Variants in TMEFF2 observed in about 807,000 individuals in gnomAD.
The protein encoded by TMEFF2 is transmembrane protein with EGF like and two follistatin like domains 2, also known as tomoregulin-2.
Under a neutral mutation model 53.8 loss-of-function variants are expected in TMEFF2, and 28 were observed. That is an observed-to-expected ratio of 0.52 (90% CI 0.39 to 0.71). TMEFF2 has a LOEUF of 0.71. TMEFF2 is among the 30% of genes least tolerant of loss of function. The pLI is 0.00. For synonymous variants in TMEFF2, 162 were observed against 166.3 expected (o/e 0.97, Z 0.20); for missense variants, 353 against 455.2 (o/e 0.78, Z 2.04).
intron 7 of TMEFF2, among the ~76,000 whole-genome samples, chr2:191,966,798 C>T (rs1423611501): frequency 1.3e-5 from 2 of 152,114 alleles, no homozygotes; most frequent in Admixed American, 6.5e-5. Flanking sequence ...CCACAATTAG[C>T]AGCACAGATA....
chr2:192,184,610 C>T (rs1322124433), intron 2 of TMEFF2, 127 bp from the exon 3 acceptor site: 1 of 1,232,186 alleles, frequency 8.1e-7, no homozygotes, highest in African/African-American at 1.5e-5. Flanking sequence ...TAATTGTGTC[C>T]AATAAGTCTT....
chr2:192,095,768 C>T (rs909213866), intron 4 of TMEFF2, among the ~76,000 whole-genome samples: 6 of 151,976 alleles, frequency 3.9e-5, no homozygotes, highest in South Asian at 4.2e-4. Context: ...ACTCTGGGAG[C>T]GCAGCTTTTA....
At chr2:192,004,748 C>T (rs1279185899) in intron 5 of TMEFF2, among the ~76,000 whole-genome samples, 1 of 152,190 alleles carries the variant, frequency 6.6e-6, no homozygotes, top group Non-Finnish European at 1.5e-5. Context: ...GTTTTTCTTT[C>T]TGCAGAAATG....
intron 7 of TMEFF2, among the ~76,000 whole-genome samples, chr2:191,994,878 A>G (rs545290239): frequency 1.7e-4 from 26 of 152,116 alleles, no homozygotes; most frequent in South Asian, 1.7e-3. Context: ...AAGAGATCCA[A>G]AGCCCTTTAT....
At chr2:192,045,936 C>T (rs1211075426) in intron 5 of TMEFF2, among the ~76,000 whole-genome samples, 1 of 152,226 alleles carries the variant, frequency 6.6e-6, no homozygotes, top group Non-Finnish European at 1.5e-5. Flanking sequence ...GCTTTATCCA[C>T]CATCTTGGTA....
intron 7 of TMEFF2, 35 bp from the exon 8 acceptor site, chr2:191,956,413 A>G (rs758998143): frequency 6.2e-7 from 1 of 1,603,180 alleles, no homozygotes; most frequent in South Asian, 1.1e-5. Flanking sequence ...ACCCCCTGTA[A>G]ATACTTAGCC....
intron 5 of TMEFF2, among the ~76,000 whole-genome samples, chr2:192,057,019 T>C (rs542544634): frequency 5.3e-5 from 8 of 152,256 alleles, no homozygotes; most frequent in African/African-American, 1.9e-4. Flanking sequence ...ACAGACTAAG[T>C]CTGATCATCT....
At chr2:191,955,145 G>A (rs1274681515) in intron 8 of TMEFF2, among the ~76,000 whole-genome samples, 1 of 98,082 alleles carries the variant, frequency 1.0e-5, no homozygotes, top group African/African-American at 3.6e-5. Context: ...GGGCGGGGAG[G>A]GGGGAGGGAG....
chr2:192,058,185 G>A (rs747748144), intron 4 of TMEFF2, among the ~76,000 whole-genome samples: 22 of 151,944 alleles, frequency 1.4e-4, no homozygotes, highest in Non-Finnish European at 3.1e-4. Flanking sequence ...GGACTTTTTC[G>A]TTCAAAGAAA....
chr2:191,980,865 T>C (rs1685837228), intron 7 of TMEFF2, among the ~76,000 whole-genome samples: 1 of 152,148 alleles, frequency 6.6e-6, no homozygotes, highest in African/African-American at 2.4e-5. Context: ...GGAACCTTCG[T>C]ATTTTTCCTG....
chr2:192,170,812 A>G (rs1449134450), intron 4 of TMEFF2, among the ~76,000 whole-genome samples: 3 of 152,054 alleles, frequency 2.0e-5, no homozygotes, highest in Non-Finnish European at 4.4e-5. Context: ...CACTGGAATA[A>G]TTCTTTTGGT....
At chr2:192,068,066 A>C (rs892045089) in intron 4 of TMEFF2, among the ~76,000 whole-genome samples, 1 of 151,888 alleles carries the variant, frequency 6.6e-6, no homozygotes, top group Non-Finnish European at 1.5e-5. Flanking sequence ...ATGCGAAAAA[A>C]AGTAGAGTTG....
At chr2:192,165,057 C>G (rs1178880783) in intron 4 of TMEFF2, among the ~76,000 whole-genome samples, 11 of 150,936 alleles carry the variant, frequency 7.3e-5, no homozygotes, top group Non-Finnish European at 1.5e-4. Context: ...AAGCCAAAGA[C>G]ACATCACACA....
intron 4 of TMEFF2, 149 bp from the exon 5 acceptor site, chr2:192,057,924 T>C (rs1687951306): frequency 3.2e-6 from 2 of 634,030 alleles, no homozygotes; most frequent in Non-Finnish European, 5.6e-6. Context: ...AACTCTTTTT[T>C]TTCCTCCAAT....
chr2:192,072,484 C>A (rs1688313867), intron 4 of TMEFF2, among the ~76,000 whole-genome samples: 1 of 151,896 alleles, frequency 6.6e-6, no homozygotes, highest in South Asian at 2.1e-4. Flanking sequence ...TGTTTCCTGA[C>A]CAAATTCATA....
intron 5 of TMEFF2, chr2:192,044,481 G>A (rs1262799068): frequency 6.6e-6 from 1 of 152,176 alleles, no homozygotes; most frequent in African/African-American, 2.4e-5. Flanking sequence ...GGATTCTGGA[G>A]GCAACATACT....
At chr2:192,074,516 TAAAAC>T (rs1002530387) in intron 4 of TMEFF2, among the ~76,000 whole-genome samples, 19 of 152,080 alleles carry the variant, frequency 1.2e-4, no homozygotes, top group African/African-American at 3.9e-4. Context: ...TTACTATTAT[TAAAAC>T]AAAACAAGTC....
chr2:192,140,051 C>A (rs971006639), intron 4 of TMEFF2, among the ~76,000 whole-genome samples: 3 of 152,018 alleles, frequency 2.0e-5, no homozygotes, highest in Non-Finnish European at 4.4e-5. Context: ...ATCTTTGACA[C>A]CAGACACAGA....
intron 7 of TMEFF2, among the ~76,000 whole-genome samples, chr2:191,985,132 A>G (rs1288512028): frequency 1.3e-5 from 2 of 152,114 alleles, no homozygotes. Flanking sequence ...TTTGTCAATA[A>G]TAATCTCTTA....
Sources: gnomAD v4.1 joint callset for allele counts (sites outside exome capture counted in the v4.1 genomes callset) on GRCh38, gnomAD v4.1.1 for gene constraint, MANE v1.5 for transcripts, NCBI Gene and HGNC (gene_info 2026-07-23, HGNC 2026-07-21) for gene names.